The following SHC2 variants were observed in gnomAD, a reference collection of about 807,000 sequenced individuals.
The protein encoded by SHC2 is SHC adaptor protein 2, also known as SHC-transforming protein 2.
SHC2 carries 62 observed loss-of-function variants against 60.6 expected under a neutral mutation model. The observed-to-expected ratio is 1.02, with a 90% CI of 0.83 to 1.26. The LOEUF (loss-of-function observed/expected upper bound fraction) is 1.26, where lower values mean the gene tolerates loss of function less well. Among genes scored for constraint, SHC2 ranks in the 50% most tolerant of loss-of-function variants. SHC2 has a pLI of 0.00. For synonymous variants in SHC2, 375 were observed against 372.4 expected, an observed-to-expected ratio of 1.01 and a Z score of -0.08; for missense variants, 873 against 822.2, an observed-to-expected ratio of 1.06 and a Z score of -0.76.
chr19:445,239 GC>G lies in SHC2; in HGVS notation c.469-4308del, dbSNP rs2057016092. ...CCACTGTGAGGGTATTTAAAGGTGG[GC>G]CTTTGGGAGGTGAGGAGGCTATGAG... is the stretch of plus-strand genomic sequence containing the variant. On this transcript the variant is annotated intron_variant, in intron 1 of 12. Coordinates refer to ENST00000264554, the MANE Select transcript of SHC2 (RefSeq NM_012435.3). The surrounding 1 kb of genome is among the most constrained non-coding windows in gnomAD (Gnocchi z 4.4). Among the ~76,000 whole-genome samples, 1 of 152,204 alleles carries G rather than the reference GC, an allele frequency of 6.6e-6. No homozygotes were observed. Among genetic ancestry groups the G allele is most frequent in the Non-Finnish European group, 1.5e-5 (1 of 68,038 alleles).
At chr19:436,537 G>A (rs560183823) in intron 5 of SHC2, 93 bp downstream of exon 5, 5 of 1,581,872 alleles carry the variant, frequency 3.2e-6, no homozygotes, top group Non-Finnish European at 4.3e-6. Context: ...GTGGGCACAG[G>A]GTACGTTAGG....
At chr19:426,387 G>A (rs1294696682) in intron 9 of SHC2, among the ~76,000 whole-genome samples, 1 of 144,386 alleles carries the variant, frequency 6.9e-6, no homozygotes. Context: ...GAGGGAGGAC[G>A]ACACCGAGAG....
intron 9 of SHC2, among the ~76,000 whole-genome samples, chr19:428,658 A>G (rs143343101): frequency 3.0e-3 from 464 of 152,332 alleles, no homozygotes; most frequent in African/African-American, 0.011. Flanking sequence ...TCAGGGAGGC[A>G]AAGAAAACAG....
At chr19:418,398 C>T (rs998352045) in intron 12 of SHC2, among the ~76,000 whole-genome samples, 16 of 152,260 alleles carry the variant, frequency 1.1e-4, no homozygotes, top group African/African-American at 3.6e-4. Context: ...CGGGCAGTGA[C>T]GCGTGTCCAC....
intron 1 of SHC2, 67 bp downstream of exon 1, chr19:460,462 C>T: frequency 4.9e-6 from 3 of 614,078 alleles, no homozygotes; most frequent in Non-Finnish European, 5.7e-6. Flanking sequence ...CCGGGGGTCC[C>T]GGAGGAGAGG....
At chr19:433,636 G>A (rs575649887) in intron 8 of SHC2, among the ~76,000 whole-genome samples, 2 of 53,358 alleles carry the variant, frequency 3.7e-5, no homozygotes, top group Non-Finnish European at 6.1e-5. Flanking sequence ...TTCATCGTGA[G>A]TGAGATAGTG....
At chr19:450,593 CCTT>C (rs1437660336) in intron 1 of SHC2, among the ~76,000 whole-genome samples, 1 of 152,218 alleles carries the variant, frequency 6.6e-6, no homozygotes, top group Non-Finnish European at 1.5e-5. Context: ...CAAAGCTTGT[CCTT>C]CTGTGTCTGG....
At chr19:452,722 C>G (rs1056404883) in intron 1 of SHC2, among the ~76,000 whole-genome samples, 1 of 152,154 alleles carries the variant, frequency 6.6e-6, no homozygotes, top group Non-Finnish European at 1.5e-5. Context: ...GGTAGTTGAT[C>G]GGCAGGACGG....
chr19:443,983 G>T (rs1974988328), intron 1 of SHC2, among the ~76,000 whole-genome samples: 1 of 148,680 alleles, frequency 6.7e-6, no homozygotes, highest in Admixed American at 6.7e-5. Context: ...ATGGACGGAT[G>T]GTTGGATGGA....
chr19:430,703 G>C lies in SHC2; in HGVS notation c.1155C>G (p.Asp385Glu). 1 of 1,613,038 alleles carries C rather than the reference G, an allele frequency of 6.2e-7. No homozygotes were observed. Among genetic ancestry groups the C allele is most frequent in the Admixed American group, 1.7e-5 (1 of 60,016 alleles). ...SLRDACSLPWDVGSTGTAPPG... is the reference protein window; with the variant it reads ...SLRDACSLPWEVGSTGTAPPG... The stretch of plus-strand genomic sequence containing the variant: ...TCCTACCTGTACCGGTGGACCCCAC[G>C]TCCCATGGCAGGCTGCAGGCATCTC... Residue 385 changes from aspartate (D) to glutamate (E), a missense_variant, in exon 9 of 13, where the codon GAC (aspartate) becomes GAG (glutamate). By Grantham distance (45) the Asp-to-Glu change is conservative. Transcript: ENST00000264554.
chr19:424,198 G>T lies in SHC2; in HGVS notation c.1309+899C>A, dbSNP rs1314528339. Among the ~76,000 whole-genome samples, 1 of 152,186 alleles carries T rather than the reference G, an allele frequency of 6.6e-6. No individual in the cohort carries two copies. Among genetic ancestry groups the T allele is most frequent in the African/African-American group, 2.4e-5 (1 of 41,450 alleles). On this transcript the variant is annotated intron_variant, in intron 10 of 12. Coordinates refer to ENST00000264554, the MANE Select transcript of SHC2 (RefSeq NM_012435.3). The surrounding 1 kb of genome is among the most constrained non-coding windows in gnomAD (Gnocchi z 4.5). ...TGCAGGAAATCAGGAGAGAACTCTG[G>T]ACACCTCAGCCAAGGAAGGACAAGC...
intron 11 of SHC2, 25 bp from the exon 12 acceptor site, chr19:419,081 A>G (rs1974214248): frequency 1.3e-6 from 2 of 1,553,046 alleles, no homozygotes; most frequent in South Asian, 1.2e-5. Context: ...CCTCGGCATC[A>G]GCTCCCGGGA....
chr19:428,996 T>C (rs987210227), intron 9 of SHC2, among the ~76,000 whole-genome samples: 1 of 149,936 alleles, frequency 6.7e-6, no homozygotes, highest in African/African-American at 2.5e-5. Context: ...GATGACGCAG[T>C]ACCTATATCC....
At chr19:460,366 GCAGCCGC>G (rs1219515197) in intron 1 of SHC2, among the ~76,000 whole-genome samples, 156 bp downstream of exon 1, 2 of 151,930 alleles carry the variant, frequency 1.3e-5, no homozygotes, top group South Asian at 2.1e-4. Flanking sequence ...CCGGGTGGGG[GCAGCCGC>G]CGGCCGCCGG....
chr19:430,827 GC>G (rs1220882356), intron 8 of SHC2, 80 bp from the exon 9 acceptor site: 2 of 1,349,788 alleles, frequency 1.5e-6, no homozygotes, highest in East Asian at 4.8e-5. Flanking sequence ...TCCCCGCCCG[GC>G]CCTCTTAGAT....
chr19:436,037 C>T (rs1472402929), intron 7 of SHC2, 128 bp downstream of exon 7: 1 of 1,029,736 alleles, frequency 9.7e-7, no homozygotes, highest in Non-Finnish European at 1.4e-6. Context: ...GAGCCATATT[C>T]TCACGGGACA....
At chr19:431,608 GCGC>G (rs1974598794) in intron 8 of SHC2, among the ~76,000 whole-genome samples, 1 of 47,778 alleles carries the variant, frequency 2.1e-5, no homozygotes, top group Admixed American at 1.8e-4. Context: ...CAGATAGATG[GCGC>G]TTCATCGTGA....
chr19:440,818 G>GC lies in SHC2; in HGVS notation c.539+43dup. On this transcript the variant is annotated intron_variant, in intron 2 of 12. Transcript: ENST00000264554. This position sits in a 1 kb window ranked among gnomAD's most constrained non-coding sequence, Gnocchi z 7.0. ...CCCTCCAGTGCTGCCGCCCTCCAGT[G>GC]CGTCACTCAGCCCTACGCGGCCAGG... 6.5e-7 allele frequency: 1 copy of GC among 1,546,648 alleles called. No homozygotes were observed. Among genetic ancestry groups the GC allele is most frequent in the Non-Finnish European group, 8.9e-7 (1 of 1,120,698 alleles).
intron 11 of SHC2, chr19:419,532 G>A (rs1974224077): frequency 6.6e-6 from 1 of 152,652 alleles, no homozygotes; most frequent in South Asian, 2.1e-4. Context: ...GCAGCACCCG[G>A]GAGCCCGGCC....
Sources: gnomAD v4.1 joint callset for allele counts (sites outside exome capture counted in the v4.1 genomes callset) on GRCh38, gnomAD v4.1.1 for gene constraint, Gnocchi (gnomAD v3.1) non-coding constraint, MANE v1.5 for transcripts, NCBI Gene and HGNC (gene_info 2026-07-23, HGNC 2026-07-21) for gene names.